Variants in GOLM1 observed in about 807,000 individuals in gnomAD.
The protein encoded by GOLM1 is golgi membrane protein 1.
GOLM1 carries 31 observed loss-of-function variants against 50.5 expected under a neutral mutation model. The observed-to-expected ratio is 0.61, with a 90% CI of 0.46 to 0.83. The LOEUF is 0.83. Ranked by LOEUF, GOLM1 falls within the 40% of genes least tolerant of loss-of-function variation. The pLI is 0.00. For missense variants in GOLM1, 491 were observed against 501.3 expected (o/e 0.98, Z 0.20); for synonymous variants, 178 against 192.8 (o/e 0.92, Z 0.64).
At chr9:86,093,196 A>C (rs1835237569) in intron 1 of GOLM1, among the ~76,000 whole-genome samples, 2 of 152,168 alleles carry the variant, frequency 1.3e-5, no homozygotes, top group Admixed American at 1.3e-4. Context: ...CCTGGCCAAC[A>C]TATCAAAACC....
At chr9:86,044,953 C>CA (rs887324936) in intron 5 of GOLM1, among the ~76,000 whole-genome samples, 37 of 140,180 alleles carry the variant, frequency 2.6e-4, no homozygotes, top group East Asian at 1.4e-3. Flanking sequence ...AACTCCATCT[C>CA]AAAAAAAAAA....
At chr9:86,060,893 AAAAAAAAAAAAAAAAAAAAAAG>A (rs1383425546) in intron 3 of GOLM1, among the ~76,000 whole-genome samples, 2 of 121,500 alleles carry the variant, frequency 1.6e-5, no homozygotes, top group Non-Finnish European at 3.2e-5. Flanking sequence ...AAAAAAAAAA[AAAAAAAAAAAAAAAAAAAAAAG>A]AAGAAGAAGA....
Position 86,028,502 on chromosome 9 carries a change from G to A in GOLM1, c.1130-609C>T, listed in dbSNP as rs186568810. On this transcript the variant is annotated intron_variant, in intron 9 of 9. Transcript: ENST00000388712. ...CTACTTCCACCACTCAATAAATCTTGCATTCATTCTCCAAGCCCACATGAT... is the reference window on the plus strand; with the variant it reads ...CTACTTCCACCACTCAATAAATCTTACATTCATTCTCCAAGCCCACATGAT... Among the ~76,000 whole-genome samples, 20 of 152,290 alleles carry A rather than the reference G, an allele frequency of 1.3e-4. No individual in the cohort carries two copies. In the East Asian group the frequency reaches 3.7e-3, roughly 28 times the overall value.
chr9:86,074,815 GC>G (rs1280326682), intron 3 of GOLM1, among the ~76,000 whole-genome samples: 76 of 152,140 alleles, frequency 5.0e-4, no homozygotes, highest in South Asian at 2.1e-4. Flanking sequence ...TCCTTCCATA[GC>G]CCCACCACAC....
intron 1 of GOLM1, among the ~76,000 whole-genome samples, chr9:86,095,185 A>G (rs959169223): frequency 2.6e-5 from 4 of 152,030 alleles, no homozygotes; most frequent in African/African-American, 9.7e-5. Flanking sequence ...CCTGCCAGCC[A>G]TCTATTTTTG....
chr9:86,085,875 A>G (rs957998818), intron 1 of GOLM1, among the ~76,000 whole-genome samples: 4 of 152,140 alleles, frequency 2.6e-5, no homozygotes, highest in African/African-American at 9.7e-5. Flanking sequence ...CTAGTCTATC[A>G]CTGATGGGCA....
intron 6 of GOLM1, among the ~76,000 whole-genome samples, chr9:86,038,006 T>G (rs1833203508): frequency 6.6e-6 from 1 of 151,558 alleles, no homozygotes; most frequent in South Asian, 2.1e-4. Context: ...AATACAAAAT[T>G]AGCCAGGTGT....
At chr9:86,036,653 G>A in intron 6 of GOLM1, 146 bp from the exon 7 acceptor site, 1 of 752,170 alleles carries the variant, frequency 1.3e-6, no homozygotes, top group Non-Finnish European at 2.1e-6. Context: ...GTCTACTCTG[G>A]TCACGCCCTG....
Position 86,095,748 on chromosome 9 carries a change from C to T in GOLM1, c.-22+3663G>A, listed in dbSNP as rs1407171311. ...AGCTGAAACTTGCAGTGTTCCCCAA[C>T]TCGCACACAGACCTACTGATAGAGG... On this transcript the variant is annotated intron_variant, in intron 1 of 9. Transcript: ENST00000388712. Among the ~76,000 whole-genome samples, 4 of 152,306 alleles carry T rather than the reference C, an allele frequency of 2.6e-5. No homozygotes were observed. The South Asian group carries it at 8.3e-4, about 32-fold the overall frequency.
At position 86,079,230 on chromosome 9, in the gene GOLM1, T is replaced by G. The variant is rs1317369066; in HGVS notation, c.91A>C (p.Asn31His). 1.2e-6 allele frequency: 2 copies of G among 1,608,096 alleles called. No individual in the cohort carries two copies. Among genetic ancestry groups the G allele is most frequent in the Non-Finnish European group, 1.7e-6 (2 of 1,176,208 alleles). ...LVACIIVLGF[N>H]YWIASSRSVD... ...CTCCGGGAGCTCGCAATCCAGTAGT[T>G]GAAGCCCAAGACGATGATGCAGGCC... The change falls in exon 2 of 10, where the codon AAC becomes CAC. Residue 31 changes from asparagine (N) to histidine (H), a missense_variant. Transcript: ENST00000388712.
chr9:86,079,553 T>C (rs1311614431), intron 1 of GOLM1: 2 of 387,016 alleles, frequency 5.2e-6, no homozygotes, highest in Non-Finnish European at 9.1e-6. Context: ...GTGTGGCCAG[T>C]TCCCAGGACA....
intron 3 of GOLM1, 94 bp from the exon 4 acceptor site, chr9:86,052,685 A>T: frequency 1.0e-6 from 1 of 1,000,876 alleles, no homozygotes; most frequent in South Asian, 1.3e-5. Context: ...CCTGTCCCCA[A>T]CCCAGCGCTG....
At chr9:86,039,357 C>A (rs936819282) in intron 6 of GOLM1, among the ~76,000 whole-genome samples, 1 of 152,098 alleles carries the variant, frequency 6.6e-6, no homozygotes, top group Non-Finnish European at 1.5e-5. Context: ...TGGTGGCAGT[C>A]GAAAATGGTA....
At chr9:86,030,641 G>A (rs1234521214) in intron 9 of GOLM1, among the ~76,000 whole-genome samples, 1 of 152,176 alleles carries the variant, frequency 6.6e-6, no homozygotes, top group Admixed American at 6.5e-5. Flanking sequence ...AATAAATGCA[G>A]TGTATAATCC....
chr9:86,056,581 A>C (rs1422840790), intron 3 of GOLM1, among the ~76,000 whole-genome samples: 4 of 150,814 alleles, frequency 2.7e-5, no homozygotes, highest in African/African-American at 4.9e-5. Context: ...TCTTGGCTCA[A>C]AGCAACCTCC....
At chr9:86,099,861 TG>T (rs573452875), upstream of GOLM1, among the ~76,000 whole-genome samples, 33 of 152,170 alleles carry the variant, frequency 2.2e-4, 1 homozygote, top group South Asian at 6.2e-3. Flanking sequence ...AAAGGGTACC[TG>T]GGGGGAGCCC....
At chr9:86,075,741 CAG>C (rs1302090485) in intron 3 of GOLM1, among the ~76,000 whole-genome samples, 2 of 152,176 alleles carry the variant, frequency 1.3e-5, no homozygotes, top group Non-Finnish European at 2.9e-5. Flanking sequence ...ACTGTGGAAA[CAG>C]ATTCTCTTTT....
At position 86,026,836 on chromosome 9, in the gene GOLM1, T is replaced by C. The variant is rs1480542756; in HGVS notation, c.*981A>G. The C allele has an allele frequency of 3.1e-6, 3 of 979,116 alleles. No individual in the cohort carries two copies. The African/African-American group carries it at 5.3e-5, about 17-fold the overall frequency. 60.7% of individuals were successfully genotyped at this position (979,116 alleles called of 1,614,324 possible). ...CACAAGCTAAATGTGTACACTATGATAAAAACAACCATTGTATTCCTGTTT... is the reference window on the plus strand; with the variant it reads ...CACAAGCTAAATGTGTACACTATGACAAAAACAACCATTGTATTCCTGTTT... On this transcript the variant is annotated 3_prime_UTR_variant, in exon 10 of 10. Transcript: ENST00000388712.
At chr9:86,027,999 T>G in intron 9 of GOLM1, 106 bp from the exon 10 acceptor site, 7 of 646,866 alleles carry the variant, frequency 1.1e-5, no homozygotes, top group Non-Finnish European at 1.6e-5. Flanking sequence ...TAAAGAGGAC[T>G]GCATCTCCCA....
Sources: allele counts gnomAD v4.1 joint callset (sites outside exome capture counted in the v4.1 genomes callset), GRCh38; gene constraint gnomAD v4.1.1; transcripts MANE v1.5; gene names NCBI Gene and HGNC (gene_info 2026-07-23, HGNC 2026-07-21).